The following TAFA1 variants were observed in gnomAD, a reference collection of about 807,000 sequenced individuals.
TAFA1 encodes the protein TAFA chemokine like family member 1.
A neutral mutation model predicts 18.5 loss-of-function variants in TAFA1; 4 were observed. The observed-to-expected ratio is 0.22, with a 90% CI of 0.11 to 0.49. TAFA1 has a LOEUF of 0.49. Ranked by LOEUF, TAFA1 falls within the 20% of genes least tolerant of loss-of-function variation. The pLI, the probability that TAFA1 is intolerant of heterozygous loss-of-function variation, is 0.98. For synonymous variants in TAFA1, 56 were observed against 55.2 expected (o/e 1.01, Z -0.06); for missense variants, 147 against 169.0 (o/e 0.87, Z 0.72).
chr3:68,523,777 C>T (rs1286295802), intron 3 of TAFA1, among the ~76,000 whole-genome samples: 1 of 152,112 alleles, frequency 6.6e-6, no homozygotes, highest in Non-Finnish European at 1.5e-5. Context: ...TGTACTCTTG[C>T]TTCCCAGTAA....
intron 2 of TAFA1, among the ~76,000 whole-genome samples, chr3:68,273,551 A>G (rs141663430): frequency 1.3e-5 from 2 of 152,356 alleles, no homozygotes; most frequent in African/African-American, 4.8e-5. Flanking sequence ...AAGGTAAGAA[A>G]AGGCCAAGCA....
chr3:68,519,274 G>A (rs1272872501), intron 3 of TAFA1, among the ~76,000 whole-genome samples: 1 of 152,184 alleles, frequency 6.6e-6, no homozygotes, highest in African/African-American at 2.4e-5. Context: ...GCCATGTAAG[G>A]ATACAATGAG....
intron 2 of TAFA1, among the ~76,000 whole-genome samples, chr3:68,079,756 G>A (rs894019544): frequency 1.3e-5 from 2 of 152,252 alleles, no homozygotes; most frequent in African/African-American, 4.8e-5. Context: ...TTTGGAATAG[G>A]TGTGGTGTGG....
intron 2 of TAFA1, among the ~76,000 whole-genome samples, chr3:68,376,481 C>A (rs568521225): frequency 6.6e-6 from 1 of 152,144 alleles, no homozygotes; most frequent in African/African-American, 2.4e-5. Context: ...CATTTAGCTC[C>A]CACTTGTAAG....
At chr3:68,520,481 C>T (rs894946517) in intron 3 of TAFA1, among the ~76,000 whole-genome samples, 1 of 152,196 alleles carries the variant, frequency 6.6e-6, no homozygotes, top group Non-Finnish European at 1.5e-5. Context: ...TAAATGCTCT[C>T]GTCTTCTTGC....
At position 68,230,475 on chromosome 3, in the gene TAFA1, T is replaced by A. The variant is rs575243063; in HGVS notation, c.119-186805T>A. The stretch of plus-strand genomic sequence containing the variant: ...TTCATTCTTTTTCATGGCTGAATAG[T>A]ATTTCATTGTGTATATGTACCACAT... On this transcript the variant is annotated intron_variant, in intron 2 of 4. Coordinates refer to ENST00000478136, the MANE Select transcript of TAFA1 (RefSeq NM_213609.4). Among the ~76,000 whole-genome samples, 319 of 152,348 alleles carry A rather than the reference T, an allele frequency of 2.1e-3. 9 individuals carry two copies. Among genetic ancestry groups the A allele is most frequent in the Admixed American group, 0.021 (318 of 15,298 alleles).
intron 2 of TAFA1, among the ~76,000 whole-genome samples, chr3:68,311,027 G>A (rs1417578100): frequency 1.3e-5 from 2 of 152,188 alleles, no homozygotes; most frequent in African/African-American, 4.8e-5. Flanking sequence ...CACAATCATG[G>A]TGGAAGGCAA....
chr3:68,053,797 G>A (rs371458385), intron 2 of TAFA1, among the ~76,000 whole-genome samples: 8 of 152,136 alleles, frequency 5.3e-5, no homozygotes, highest in African/African-American at 1.9e-4. Context: ...TTGAACTTCC[G>A]GGCTCAAGCC....
chr3:68,028,611 C>T (rs1042009458), intron 2 of TAFA1, among the ~76,000 whole-genome samples: 1 of 152,092 alleles, frequency 6.6e-6, no homozygotes, highest in Non-Finnish European at 1.5e-5. Flanking sequence ...CCCTTCTTTG[C>T]TTCTTCCAGA....
At chr3:68,484,496 GA>G (rs2072301115) in intron 3 of TAFA1, among the ~76,000 whole-genome samples, 2 of 152,082 alleles carry the variant, frequency 1.3e-5, no homozygotes, top group East Asian at 1.9e-4. Flanking sequence ...TGGGTGAGGT[GA>G]AAAAAGGAAT....
intron 2 of TAFA1, among the ~76,000 whole-genome samples, chr3:68,367,765 G>GTTTT (rs2069601518): frequency 6.6e-6 from 1 of 152,050 alleles, no homozygotes; most frequent in African/African-American, 2.4e-5. Flanking sequence ...TTGTTTGTTT[G>GTTTT]TCTTAAAACT....
At chr3:68,204,673 A>C (rs2066505769) in intron 2 of TAFA1, among the ~76,000 whole-genome samples, 1 of 151,852 alleles carries the variant, frequency 6.6e-6, no homozygotes, top group Non-Finnish European at 1.5e-5. Context: ...ACAATCACAA[A>C]TGTTCAAATA....
At chr3:68,119,516 C>T (rs965209991) in intron 2 of TAFA1, among the ~76,000 whole-genome samples, 4 of 151,842 alleles carry the variant, frequency 2.6e-5, no homozygotes, top group African/African-American at 9.7e-5. Flanking sequence ...AAGTTTAGGT[C>T]TTTGATCCAC....
chr3:68,384,080 A>C (rs1333837352), intron 2 of TAFA1, among the ~76,000 whole-genome samples: 1 of 151,438 alleles, frequency 6.6e-6, no homozygotes, highest in Non-Finnish European at 1.5e-5. Context: ...TTTCTTCTTT[A>C]TTAGTCTAGC....
intron 3 of TAFA1, among the ~76,000 whole-genome samples, chr3:68,486,758 T>G (rs1047203469): frequency 6.6e-6 from 1 of 152,200 alleles, no homozygotes; most frequent in South Asian, 2.1e-4. Context: ...AAGCATTCAG[T>G]TAATTACCTG....
chr3:68,436,509 A>T (rs2071270916), intron 3 of TAFA1, among the ~76,000 whole-genome samples: 2 of 152,130 alleles, frequency 1.3e-5, no homozygotes, highest in Admixed American at 1.3e-4. Context: ...AGTAATAGGT[A>T]AAAAACTTAC....
At chr3:68,141,201 T>C (rs1371424202) in intron 2 of TAFA1, among the ~76,000 whole-genome samples, 2 of 152,154 alleles carry the variant, frequency 1.3e-5, no homozygotes, top group Admixed American at 6.6e-5. Context: ...AGAATCTACT[T>C]TTCTCATGTA....
intron 3 of TAFA1, among the ~76,000 whole-genome samples, chr3:68,433,246 T>C (rs542730152): frequency 6.6e-6 from 1 of 152,190 alleles, no homozygotes; most frequent in East Asian, 1.9e-4. Flanking sequence ...CCCATGTCCA[T>C]TTTGTCATCA....
intron 2 of TAFA1, among the ~76,000 whole-genome samples, chr3:68,154,506 C>G (rs1233451020): frequency 6.6e-6 from 1 of 152,156 alleles, no homozygotes. Context: ...AAAGTGGAGC[C>G]TCTTTAGCTT....
Sources: gnomAD v4.1 joint callset for allele counts (sites outside exome capture counted in the v4.1 genomes callset) on GRCh38, gnomAD v4.1.1 for gene constraint, MANE v1.5 for transcripts, NCBI Gene and HGNC (gene_info 2026-07-23, HGNC 2026-07-21) for gene names.